RBM20: variants seen among roughly 807,000 people sequenced by gnomAD.
The protein encoded by RBM20 is RNA binding motif protein 20.
RBM20 carries 51 observed loss-of-function variants against 110.1 expected under a neutral mutation model. That is an observed-to-expected ratio of 0.46 (90% confidence interval 0.37 to 0.59). RBM20 has a LOEUF of 0.59. RBM20 is among the 20% of genes least tolerant of loss of function. RBM20 has a pLI of 0.00. For synonymous variants in RBM20, 589 were observed against 618.2 expected (o/e 0.95, Z 0.70); for missense variants, 1,512 against 1,574.9 (o/e 0.96, Z 0.68).
At chr10:110,826,583 CTTTTTTTTTTT>C (rs35918856) in intron 12 of RBM20, among the ~76,000 whole-genome samples, 1 of 140,928 alleles carries the variant, frequency 7.1e-6, no homozygotes, top group Admixed American at 7.0e-5. Context: ...CATTCTTCTT[CTTTTTTTTTTT>C]TTTTTGAGAC....
chr10:110,665,017 A>T (rs1862156516), intron 1 of RBM20, among the ~76,000 whole-genome samples: 1 of 151,500 alleles, frequency 6.6e-6, no homozygotes, highest in Non-Finnish European at 1.5e-5. Context: ...CTGGGACTAC[A>T]GGCACATGTC....
At chr10:110,806,576 G>A (rs913269146) in intron 7 of RBM20, among the ~76,000 whole-genome samples, 2 of 152,144 alleles carry the variant, frequency 1.3e-5, no homozygotes, top group Non-Finnish European at 2.9e-5. Context: ...CTCCCACCAG[G>A]CCCCACCTTC....
chr10:110,774,110 T>A (rs1203964514), intron 1 of RBM20, among the ~76,000 whole-genome samples: 1 of 152,218 alleles, frequency 6.6e-6, no homozygotes, highest in Non-Finnish European at 1.5e-5. Flanking sequence ...CTCACACGGT[T>A]CATCTGATCT....
At chr10:110,784,611 T>C (rs1183388655) in intron 4 of RBM20, among the ~76,000 whole-genome samples, 179 bp downstream of exon 4, 1 of 152,236 alleles carries the variant, frequency 6.6e-6, no homozygotes, top group Non-Finnish European at 1.5e-5. Context: ...ATCAGTATTC[T>C]CTGAGATACT....
At chr10:110,648,298 G>A (rs1452520970) in intron 1 of RBM20, among the ~76,000 whole-genome samples, 3 of 152,046 alleles carry the variant, frequency 2.0e-5, no homozygotes, top group Non-Finnish European at 4.4e-5. Context: ...CCCCTCACTC[G>A]GAATAGAAAA....
intron 1 of RBM20, among the ~76,000 whole-genome samples, chr10:110,735,235 T>C (rs1459887936): frequency 2.0e-5 from 3 of 152,158 alleles, no homozygotes; most frequent in Non-Finnish European, 2.9e-5. Context: ...AAATAAATAG[T>C]ATATATAGAA....
At chr10:110,684,404 CA>C (rs1452065495) in intron 1 of RBM20, among the ~76,000 whole-genome samples, 6 of 148,924 alleles carry the variant, frequency 4.0e-5, no homozygotes, top group Non-Finnish European at 5.9e-5. Flanking sequence ...AAAAACAAAA[CA>C]AAACAAAACA....
At chr10:110,815,485 A>G (rs146984239) in intron 9 of RBM20, among the ~76,000 whole-genome samples, 1 of 152,310 alleles carries the variant, frequency 6.6e-6, no homozygotes, top group East Asian at 1.9e-4. Flanking sequence ...ACCAGTGGAT[A>G]TTTTAAAAAG....
chr10:110,687,871 T>G (rs1200334083), intron 1 of RBM20, among the ~76,000 whole-genome samples: 1 of 152,238 alleles, frequency 6.6e-6, no homozygotes, highest in African/African-American at 2.4e-5. Context: ...ACACAAATTT[T>G]AAGTGCATAG....
At chr10:110,770,803 G>A (rs1844177701) in intron 1 of RBM20, among the ~76,000 whole-genome samples, 1 of 152,208 alleles carries the variant, frequency 6.6e-6, no homozygotes, top group South Asian at 2.1e-4. Flanking sequence ...GACCAGTCCT[G>A]GAACATAGGT....
chr10:110,727,412 T>TAAAAAAAAAAATA (rs753041080), intron 1 of RBM20, among the ~76,000 whole-genome samples: 1 of 68,918 alleles, frequency 1.5e-5, no homozygotes, highest in Admixed American at 1.4e-4. Flanking sequence ...AAAATAAAAA[T>TAAAAAAAAAAATA]AAAAAAAAAA....
Position 110,752,939 on chromosome 10 carries a change from A to T in RBM20, c.192-27862A>T, listed in dbSNP as rs1187295990. Among the ~76,000 whole-genome samples the T allele has an allele frequency of 4.3e-3, 403 of 93,742 alleles. 1 individual carries two copies. The highest frequency in any genetic ancestry group is 5.8e-3 in the Non-Finnish European group (270 of 46,158). The allele number at this position is 93,742 out of a possible 152,430, so 61.5% of individuals were successfully genotyped here. On this transcript the variant is annotated intron_variant, in intron 1 of 13. Coordinates refer to ENST00000369519, the MANE Select transcript of RBM20 (RefSeq NM_001134363.3). ...TTTATACATATATATATATATATAT[A>T]TATATATTTTTTTTTTTTTTATGAA...
At chr10:110,798,822 A>C (rs183343345) in intron 6 of RBM20, among the ~76,000 whole-genome samples, 1 of 152,334 alleles carries the variant, frequency 6.6e-6, no homozygotes, top group Non-Finnish European at 1.5e-5. Flanking sequence ...CCCCTGCAGC[A>C]TTGAGGAATC....
rs1432834467 is a variant in RBM20 at position 110,797,493 on chromosome 10, CT to C, written c.1528-12del. On this transcript the variant is annotated splice_polypyrimidine_tract_variant and intron_variant, in intron 5 of 13. Coordinates refer to ENST00000369519, the MANE Select transcript of RBM20 (RefSeq NM_001134363.3). ...CCGTCTTCTGAATACCACTAATGAT[CT>C]TTGTTCCCATTAGTTTGCACAGCGG... 1.9e-6 allele frequency: 3 copies of C among 1,546,492 alleles called. No homozygotes were observed. Among genetic ancestry groups the C allele is most frequent in the Non-Finnish European group, 2.6e-6 (3 of 1,143,980 alleles).
chr10:110,825,665 G>A (rs557159141), intron 12 of RBM20, among the ~76,000 whole-genome samples: 3 of 152,294 alleles, frequency 2.0e-5, no homozygotes, highest in Admixed American at 6.5e-5. Context: ...ATATTCCATC[G>A]TAAAAGCTAT....
chr10:110,806,694 G>T (rs1844699799), intron 7 of RBM20, among the ~76,000 whole-genome samples: 1 of 152,198 alleles, frequency 6.6e-6, no homozygotes, highest in Non-Finnish European at 1.5e-5. Flanking sequence ...ATGGGTAATG[G>T]ATTCTTCGGG....
intron 7 of RBM20, 54 bp from the exon 8 acceptor site, chr10:110,810,329 C>A: frequency 1.5e-6 from 2 of 1,327,694 alleles, no homozygotes; most frequent in Non-Finnish European, 2.1e-6. Flanking sequence ...CTGCTTCCCT[C>A]AGGTGTTTGC....
chr10:110,835,973 C>A lies in RBM20; in HGVS notation c.3679C>A (p.Leu1227Ile). ...CGTGCCACGCTTCGAAAGGAAAAAG[C>A]TCTGATGCTTCTGCTTCTGCTGCTA... ...GIVPRFERKK[L>I] Residue 1227 changes from leucine to isoleucine, a missense_variant, in exon 14 of 14, where the codon CTC (leucine) becomes ATC (isoleucine). Physicochemically the swap from Leu to Ile is conservative, Grantham distance 5 (BLOSUM62 2). Transcript: ENST00000369519. 1 of 1,154,726 alleles carries A rather than the reference C, an allele frequency of 8.7e-7. No homozygotes were observed. Among genetic ancestry groups the A allele is most frequent in the Non-Finnish European group, 1.3e-6 (1 of 796,352 alleles). 71.5% of individuals were successfully genotyped at this position (1,154,726 alleles called of 1,614,324 possible). A position where few individuals can be genotyped will look rare whatever the true frequency, so the allele number is the denominator to read the frequency against.
In RBM20 at chr10:110,810,455, G is replaced by A. The variant is rs1384764201; in HGVS notation, c.1873G>A (p.Ala625Thr). Residue 625 changes from alanine to threonine, a missense_variant, in exon 8 of 14, where the codon GCA (alanine) becomes ACA (threonine). Around this residue, in one of 3 missense-constraint regions of RBM20, gnomAD observed 1,149 missense variants for 1,169.4 expected, o/e 0.98. Coordinates refer to ENST00000369519, the MANE Select transcript of RBM20 (RefSeq NM_001134363.3). ...SQRERDMFREADRYGPERPRS... is the reference protein window; with the variant it reads ...SQRERDMFRETDRYGPERPRS... ...GAGGGAGAGGGACATGTTCCGGGAA[G>A]CAGACAGGTGAGGCCCCAAGCCCCA... 2 of 1,551,264 alleles carry A rather than the reference G, an allele frequency of 1.3e-6. No individual in the cohort carries two copies. Among genetic ancestry groups the A allele is most frequent in the African/African-American group, 1.4e-5 (1 of 73,168 alleles).
Sources: gnomAD v4.1 joint callset for allele counts (sites outside exome capture counted in the v4.1 genomes callset) on GRCh38, gnomAD v4.1.1 for gene constraint, gnomAD v4.1.1 regional missense constraint, MANE v1.5 for transcripts, NCBI Gene and HGNC (gene_info 2026-07-23, HGNC 2026-07-21) for gene names.